UVRAG: variants seen among roughly 807,000 people sequenced by gnomAD.
UVRAG encodes UV radiation resistance associated, also known as UV radiation resistance-associated gene protein.
A neutral mutation model predicts 78.0 loss-of-function variants in UVRAG; 19 were observed. That is an observed-to-expected ratio of 0.24 (90% CI 0.17 to 0.36). UVRAG has a LOEUF of 0.36. UVRAG is among the 10% of genes least tolerant of loss of function. The pLI is 1.00. For missense variants in UVRAG, 740 were observed against 853.8 expected (o/e 0.87, Z 1.66); for synonymous variants, 323 against 324.6 (o/e 1.00, Z 0.05).
At chr11:76,038,356 C>CAAA (rs372629462) in intron 12 of UVRAG, among the ~76,000 whole-genome samples, 15 of 143,258 alleles carry the variant, frequency 1.0e-4, no homozygotes, top group African/African-American at 3.6e-4. Flanking sequence ...ATGGTTTATG[C>CAAA]AAAAAAAAAA....
chr11:75,942,877 T>C (rs1948513416), intron 6 of UVRAG, among the ~76,000 whole-genome samples: 1 of 152,038 alleles, frequency 6.6e-6, no homozygotes, highest in Admixed American at 6.6e-5. Context: ...ATCCTTAGTT[T>C]ATGAGCCTTA....
intron 13 of UVRAG, among the ~76,000 whole-genome samples, chr11:76,114,905 GTT>G (rs1474627032): frequency 6.6e-6 from 1 of 152,210 alleles, no homozygotes; most frequent in African/African-American, 2.4e-5. Flanking sequence ...TGCTAAAAGA[GTT>G]AAACCTTAAG....
chr11:76,088,367 G>T (rs57211393), intron 13 of UVRAG, among the ~76,000 whole-genome samples: 15,291 of 152,038 alleles, frequency 0.1, 1,796 homozygotes, highest in African/African-American at 0.29. Context: ...AGGACGAGGG[G>T]TGGGAAGTTT....
chr11:75,915,110 GAC>G (rs1210972915), intron 6 of UVRAG: 1 of 152,178 alleles, frequency 6.6e-6, no homozygotes, highest in African/African-American at 2.4e-5. Flanking sequence ...CAGGCATGGT[GAC>G]ACATGCCTGT....
chr11:75,877,862 G>T (rs1946836334), intron 3 of UVRAG, among the ~76,000 whole-genome samples: 1 of 145,530 alleles, frequency 6.9e-6, no homozygotes, highest in African/African-American at 2.5e-5. Flanking sequence ...CGGGCGGGGG[G>T]CTGACCCCCC....
At chr11:75,935,510 A>G (rs1431754106) in intron 6 of UVRAG, among the ~76,000 whole-genome samples, 1 of 152,032 alleles carries the variant, frequency 6.6e-6, no homozygotes, top group Non-Finnish European at 1.5e-5. Context: ...CAGTGGATTG[A>G]CCATTATTTC....
At chr11:75,894,607 C>G (rs1308229835) in intron 5 of UVRAG, among the ~76,000 whole-genome samples, 1 of 151,806 alleles carries the variant, frequency 6.6e-6, no homozygotes, top group East Asian at 1.9e-4. Context: ...CACCTGTAAT[C>G]CCAGCACTTT....
chr11:75,868,882 G>A (rs916395655), intron 3 of UVRAG, among the ~76,000 whole-genome samples: 1 of 152,116 alleles, frequency 6.6e-6, no homozygotes, highest in Non-Finnish European at 1.5e-5. Flanking sequence ...AAATCTCATG[G>A]TGGGAGTATA....
chr11:76,044,303 T>A (rs1950704656), intron 12 of UVRAG, among the ~76,000 whole-genome samples: 1 of 152,226 alleles, frequency 6.6e-6, no homozygotes, highest in Admixed American at 6.5e-5. Flanking sequence ...GCAGTCTCTG[T>A]CACAGGGTTG....
At chr11:75,892,918 G>A (rs1455728837) in intron 5 of UVRAG, among the ~76,000 whole-genome samples, 2 of 152,140 alleles carry the variant, frequency 1.3e-5, no homozygotes, top group East Asian at 3.9e-4. Context: ...TGTGACTCAC[G>A]CCTGTAATCT....
intron 7 of UVRAG, among the ~76,000 whole-genome samples, chr11:75,968,212 C>T (rs1454912574): frequency 2.6e-5 from 4 of 152,094 alleles, no homozygotes; most frequent in African/African-American, 9.7e-5. Flanking sequence ...TTTAACATTT[C>T]CCATTTTTTT....
At chr11:76,101,450 G>C (rs145117257) in intron 13 of UVRAG, among the ~76,000 whole-genome samples, 1 of 151,840 alleles carries the variant, frequency 6.6e-6, no homozygotes, top group Non-Finnish European at 1.5e-5. Flanking sequence ...TAATGGGGTC[G>C]TTTGTTTTTC....
chr11:75,921,618 A>G (rs960730600), intron 6 of UVRAG, among the ~76,000 whole-genome samples: 1 of 151,954 alleles, frequency 6.6e-6, no homozygotes, highest in Admixed American at 6.5e-5. Flanking sequence ...GCTTCTATAG[A>G]TATTTTTTGC....
chr11:76,021,193 C>T (rs572562660), intron 12 of UVRAG, among the ~76,000 whole-genome samples: 1 of 152,216 alleles, frequency 6.6e-6, no homozygotes, highest in Non-Finnish European at 1.5e-5. Flanking sequence ...TGATTGCTTA[C>T]CTGATTTTTG....
At chr11:75,884,941 T>A (rs1947043549) in intron 4 of UVRAG, among the ~76,000 whole-genome samples, 1 of 152,076 alleles carries the variant, frequency 6.6e-6, no homozygotes, top group African/African-American at 2.4e-5. Context: ...TTTTGATAGA[T>A]GTTGAATCTA....
chr11:76,103,198 G>A (rs1951908550), intron 13 of UVRAG, among the ~76,000 whole-genome samples: 1 of 152,096 alleles, frequency 6.6e-6, no homozygotes, highest in African/African-American at 2.4e-5. Context: ...GAGTTTGTGT[G>A]ATTAGACTGT....
intron 13 of UVRAG, among the ~76,000 whole-genome samples, chr11:76,110,908 G>A (rs1952056994): frequency 6.6e-6 from 1 of 151,870 alleles, no homozygotes; most frequent in East Asian, 1.9e-4. Context: ...ACCCAGGCTG[G>A]AGTGCAGTGG....
chr11:75,836,944 G>A (rs1452512964), intron 1 of UVRAG, among the ~76,000 whole-genome samples: 1 of 152,000 alleles, frequency 6.6e-6, no homozygotes, highest in Non-Finnish European at 1.5e-5. Flanking sequence ...TTCTAATCAA[G>A]CTTTTCTAAA....
At chr11:75,871,249 T>TGCCTG (rs955207134) in intron 3 of UVRAG, among the ~76,000 whole-genome samples, 2 of 151,704 alleles carry the variant, frequency 1.3e-5, no homozygotes, top group African/African-American at 4.8e-5. Flanking sequence ...AGCTTAGTTC[T>TGCCTG]GCCTGGTTAT....
Sources: allele counts gnomAD v4.1 joint callset (sites outside exome capture counted in the v4.1 genomes callset), GRCh38; gene constraint gnomAD v4.1.1; transcripts MANE v1.5; gene names NCBI Gene and HGNC (gene_info 2026-07-23, HGNC 2026-07-21).